MIDN: variants seen among roughly 807,000 people sequenced by gnomAD.
The protein encoded by MIDN is midbrain nucleolar protein.
A neutral mutation model predicts 46.1 loss-of-function variants in MIDN; 26 were observed. The observed-to-expected ratio is 0.56, with a 90% CI of 0.41 to 0.78. The LOEUF (loss-of-function observed/expected upper bound fraction) is 0.78. MIDN is among the 30% of genes least tolerant of loss of function. MIDN has a pLI of 0.00. For missense variants in MIDN, 850 were observed against 771.8 expected (o/e 1.10, Z -1.20); for synonymous variants, 432 against 343.3 (o/e 1.26, Z -2.86).
At chr19:1,252,677 G>T (rs369767058) in intron 4 of MIDN, among the ~76,000 whole-genome samples, 1 of 152,194 alleles carries the variant, frequency 6.6e-6, no homozygotes. Flanking sequence ...GGTGGGGGAC[G>T]CAGGCTGCCA....
Position 1,249,956 on chromosome 19 carries a change from G to T in MIDN, c.-341G>T, listed in dbSNP as rs995188907. 6.6e-6 allele frequency: 1 copy of T among 151,870 alleles called. No homozygotes were observed. The highest frequency in any genetic ancestry group is 1.5e-5 in the Non-Finnish European group (1 of 67,904). The allele number at this position is 151,870 out of a possible 1,614,324, so 9.4% of individuals were successfully genotyped here. On this transcript the variant is annotated 5_prime_UTR_variant, in exon 2 of 9. Coordinates refer to ENST00000682408, the MANE Select transcript of MIDN (RefSeq NM_001388306.1). Reference sequence around the variant, plus strand: ...CGCGCGAGGAAGCGCGACCCGGGCGGCAGACGGCACCCAGCGCCACCAGCC... The same window carrying T: ...CGCGCGAGGAAGCGCGACCCGGGCGTCAGACGGCACCCAGCGCCACCAGCC...
Position 1,254,532 on chromosome 19 carries a change from G to A in MIDN, c.825+54G>A, listed in dbSNP as rs533915505. 58 of 1,517,204 alleles carry A rather than the reference G, an allele frequency of 3.8e-5. No homozygotes were observed. In the African/African-American group the frequency reaches 5.9e-4, roughly 15 times the overall value. 94.0% of individuals were successfully genotyped at this position (1,517,204 alleles called of 1,614,324 possible). On this transcript the variant is annotated intron_variant, in intron 6 of 8. Coordinates refer to ENST00000682408, the MANE Select transcript of MIDN (RefSeq NM_001388306.1). Reference sequence around the variant, plus strand: ...TTGGTTGGAATCCAAAGGGTGGGCCGTCCTGGGGAGGTCTTGGGGAGGACA... The same window carrying A: ...TTGGTTGGAATCCAAAGGGTGGGCCATCCTGGGGAGGTCTTGGGGAGGACA...
intron 2 of MIDN, among the ~76,000 whole-genome samples, chr19:1,250,763 T>C (rs1471510038): frequency 6.6e-6 from 1 of 151,392 alleles, no homozygotes; most frequent in Non-Finnish European, 1.5e-5. Context: ...GCGGCCCCCC[T>C]TGGGGGCGGG....
chr19:1,256,913 G>A (rs1476493148), intron 8 of MIDN, 82 bp from the exon 9 acceptor site: 14 of 1,573,806 alleles, frequency 8.9e-6, no homozygotes, highest in African/African-American at 1.4e-5. Flanking sequence ...TGACCTCAGG[G>A]GCATTTGCTG....
In MIDN at chr19:1,254,349, C is replaced by G; in HGVS notation, c.696C>G (p.Ser232=). The stretch of plus-strand genomic sequence containing the variant: ...ACCCCAGCATAGCCTCCCCCGTGTC[C>G]TCGCCCTGCCGGCCGGTGTCCAGTG... ...RGDPSIASPV[S]SPCRPVSSAA... The change falls in exon 6 of 9, where the codon TCC becomes TCG. Residue 232 remains serine, a synonymous_variant. Coordinates refer to ENST00000682408, the MANE Select transcript of MIDN (RefSeq NM_001388306.1). The G allele has an allele frequency of 6.4e-7, 1 of 1,564,370 alleles. No homozygotes were observed. The highest frequency in any genetic ancestry group is 2.3e-5 in the East Asian group (1 of 42,662).
In MIDN at chr19:1,251,553, T is replaced by TC. The variant is rs770799064; in HGVS notation, c.234-3dup. ...CGCGGAGTCTCATGCTCTTCCTTCC[T>TC]CCCCCCAGCCGGCTCAGTTCGGGGA... On this transcript the variant is annotated splice_polypyrimidine_tract_variant and intron_variant, in intron 2 of 8. Transcript: ENST00000682408. 2 of 1,605,952 alleles carry TC rather than the reference T, an allele frequency of 1.2e-6. No homozygotes were observed.
chr19:1,256,021 C>T (rs1301368122), intron 8 of MIDN, among the ~76,000 whole-genome samples: 1 of 152,244 alleles, frequency 6.6e-6, no homozygotes, highest in Non-Finnish European at 1.5e-5. Context: ...GAGCCCACCC[C>T]TAAGCATTTC....
At position 1,259,109 on chromosome 19, in the gene MIDN, C is replaced by G. The variant is rs1342887828; in HGVS notation, c.*1837C>G. 6.6e-6 allele frequency: 1 copy of G among 151,794 alleles called. No homozygotes were observed. The highest frequency in any genetic ancestry group is 6.6e-5 in the Admixed American group (1 of 15,248). The allele number at this position is 151,794 out of a possible 1,614,324, so 9.4% of individuals were successfully genotyped here. A position where few individuals can be genotyped will look rare whatever the true frequency, so the allele number is the denominator to read the frequency against. On this transcript the variant is annotated 3_prime_UTR_variant, in exon 9 of 9. Coordinates refer to ENST00000682408, the MANE Select transcript of MIDN (RefSeq NM_001388306.1). ...AAAAAAAAAAAACCTACACGAGCACCGTGATTTCAAGTAATAAACAGAAAA... is the reference window on the plus strand; with the variant it reads ...AAAAAAAAAAAACCTACACGAGCACGGTGATTTCAAGTAATAAACAGAAAA...
intron 1 of MIDN, among the ~76,000 whole-genome samples, chr19:1,249,530 T>C (rs1222350207): frequency 6.7e-6 from 1 of 148,298 alleles, no homozygotes; most frequent in African/African-American, 2.5e-5. Flanking sequence ...TCTCCAGACC[T>C]GGGTCCCGCG....
Position 1,252,348 on chromosome 19 carries a change from CCAT to C in MIDN, c.384+449_384+451del, listed in dbSNP as rs577926565. Among the ~76,000 whole-genome samples the C allele has an allele frequency of 1.8e-3, 271 of 152,256 alleles. 1 individual carries two copies. The highest frequency in any genetic ancestry group is 6.0e-3 in the African/African-American group (250 of 41,550). On this transcript the variant is annotated intron_variant, in intron 4 of 8. Coordinates refer to ENST00000682408, the MANE Select transcript of MIDN (RefSeq NM_001388306.1). Reference sequence around the variant, plus strand: ...ACACTCCTTCCGCCTTCCGTGACCCCCATCGTGAGAGGGTGGGGATCTCGTCAC... The same window carrying C: ...ACACTCCTTCCGCCTTCCGTGACCCCCGTGAGAGGGTGGGGATCTCGTCAC...
chr19:1,254,562 CT>C (rs1660676827), intron 6 of MIDN, 84 bp downstream of exon 6: 16 of 1,402,370 alleles, frequency 1.1e-5, no homozygotes, highest in Non-Finnish European at 1.6e-5. Context: ...AGGACAAGGA[CT>C]CTTAGTCCCA....
At chr19:1,251,304 G>A in intron 2 of MIDN, 1 of 500,700 alleles carries the variant, frequency 2.0e-6, no homozygotes, top group Admixed American at 4.0e-5. Flanking sequence ...TGCCTGGTTG[G>A]GGTGCAGAGG....
chr19:1,251,467 T>G, intron 2 of MIDN, 95 bp from the exon 3 acceptor site: 3 of 1,118,742 alleles, frequency 2.7e-6, no homozygotes, highest in Non-Finnish European at 3.8e-6. Flanking sequence ...CTTATCCGTC[T>G]CTCCCCACAC....
At chr19:1,252,562 CCTT>C (rs1246672503) in intron 4 of MIDN, among the ~76,000 whole-genome samples, 3 of 150,706 alleles carry the variant, frequency 2.0e-5, no homozygotes, top group African/African-American at 4.9e-5. Flanking sequence ...TTTTTTTTCT[CCTT>C]CTTTCCTCAT....
At chr19:1,252,291 T>G (rs950162967) in intron 4 of MIDN, among the ~76,000 whole-genome samples, 4 of 152,122 alleles carry the variant, frequency 2.6e-5, no homozygotes, top group Non-Finnish European at 4.4e-5. Context: ...TTTTTACATT[T>G]CTGCTGAGGG....
intron 8 of MIDN, 105 bp from the exon 9 acceptor site, chr19:1,256,890 G>A (rs930746879): frequency 2.0e-6 from 3 of 1,519,402 alleles, no homozygotes; most frequent in Non-Finnish European, 2.7e-6. Context: ...TCCAGGGAGG[G>A]CAGGACTGTG....
intron 4 of MIDN, chr19:1,253,624 GC>G: frequency 6.3e-6 from 1 of 157,666 alleles, no homozygotes; most frequent in Non-Finnish European, 1.4e-5. Context: ...CCTTGCCACA[GC>G]CCCCTAGGCC....
chr19:1,251,962 C>T, intron 4 of MIDN, 61 bp downstream of exon 4: 1 of 1,420,488 alleles, frequency 7.0e-7, no homozygotes, highest in Non-Finnish European at 9.8e-7. Context: ...CCTTGGCCAC[C>T]GACGGGGCCT....
rs1479666851 is a variant in MIDN at position 1,249,883 on chromosome 19, C to A, written c.-407-7C>A. ...TAACTTTTTTTTCTTGTTACTTTCA[C>A]CCCCAGATCCTCCGAGCGGCGGCGA... On this transcript the variant is annotated splice_region_variant and splice_polypyrimidine_tract_variant and intron_variant, in intron 1 of 8. Coordinates refer to ENST00000682408, the MANE Select transcript of MIDN (RefSeq NM_001388306.1). 1 of 151,908 alleles carries A rather than the reference C, an allele frequency of 6.6e-6. No individual in the cohort carries two copies. Among genetic ancestry groups the A allele is most frequent in the Admixed American group, 6.5e-5 (1 of 15,268 alleles). The allele number at this position is 151,908 out of a possible 1,614,324, so 9.4% of individuals were successfully genotyped here.
Sources: gnomAD v4.1 joint callset for allele counts (sites outside exome capture counted in the v4.1 genomes callset) on GRCh38, gnomAD v4.1.1 for gene constraint, MANE v1.5 for transcripts, NCBI Gene and HGNC (gene_info 2026-07-23, HGNC 2026-07-21) for gene names.